CEMIP: variants seen among roughly 807,000 people sequenced by gnomAD.
The protein encoded by CEMIP is cell migration inducing hyaluronidase 1.
In CEMIP, 105 loss-of-function variants were observed where a neutral mutation model predicts 156.9. The observed-to-expected ratio is 0.67, with a 90% CI of 0.57 to 0.79. The LOEUF is 0.79. Among genes scored for constraint, CEMIP ranks in the 30% least tolerant of loss-of-function variants. The probability of loss-of-function intolerance (pLI) is 0.00; values close to 1 mark genes in which losing one functional copy is unlikely to be tolerated. For missense variants in CEMIP, 1,457 were observed against 1,769.4 expected, an observed-to-expected ratio of 0.82 and a Z score of 3.17; for synonymous variants, 676 against 668.4, an observed-to-expected ratio of 1.01 and a Z score of -0.17.
chr15:80,862,883 G>A (rs1898022010), intron 1 of CEMIP, among the ~76,000 whole-genome samples: 1 of 152,236 alleles, frequency 6.6e-6, no homozygotes. Context: ...GAATCTCAGA[G>A]GTGATGGGCG....
intron 1 of CEMIP, among the ~76,000 whole-genome samples, chr15:80,782,506 G>T (rs1366095907): frequency 6.6e-6 from 1 of 152,162 alleles, no homozygotes; most frequent in Non-Finnish European, 1.5e-5. Flanking sequence ...GCATTTCAGG[G>T]TTCTGTCTGG....
rs1202779676 is a variant in CEMIP, at chr15:80,941,990, C to T, written c.3549C>T (p.Pro1183=). The T allele has an allele frequency of 2.5e-6, 4 of 1,614,016 alleles. No homozygotes were observed. In the South Asian group the frequency reaches 3.3e-5, roughly 13 times the overall value. The change falls in exon 26 of 30, where the codon CCC becomes CCT. Residue 1183 remains proline, a synonymous_variant. Transcript: ENST00000394685. The part of the protein sequence containing the change: ...GVSDCTATAY[P]KFTERAVVDV... ...GTGACTGCACAGCCACAGCTTACCC[C>T]AAGTTCACCGAGAGGGCTGTCGTAG...
intron 1 of CEMIP, among the ~76,000 whole-genome samples, chr15:80,821,951 C>T (rs1463398724): frequency 6.6e-6 from 1 of 152,242 alleles, no homozygotes; most frequent in Admixed American, 6.5e-5. Flanking sequence ...TGCCATTGGG[C>T]ACCTGAAGAG....
intron 1 of CEMIP, among the ~76,000 whole-genome samples, chr15:80,836,614 T>TCCTCCTGGATTTTCTGCCTCCTTA (rs1271693306): frequency 9.2e-5 from 11 of 119,396 alleles, no homozygotes; most frequent in South Asian, 5.6e-4. Flanking sequence ...TTTTTCCTTT[T>TCCTCCTGGATTTTCTGCCTCCTTA]CCTCCTGGAT....
At chr15:80,937,381 G>T (rs1048120978) in intron 24 of CEMIP, among the ~76,000 whole-genome samples, 1 of 152,212 alleles carries the variant, frequency 6.6e-6, no homozygotes, top group African/African-American at 2.4e-5. Flanking sequence ...CAGTATTTCT[G>T]TGAGACAGAC....
intron 14 of CEMIP, among the ~76,000 whole-genome samples, chr15:80,913,236 A>G (rs369760181): frequency 1.9e-4 from 29 of 151,636 alleles, no homozygotes; most frequent in African/African-American, 3.1e-4. Context: ...TTCACCACCA[A>G]CTCTTGGGAA....
intron 14 of CEMIP, among the ~76,000 whole-genome samples, chr15:80,911,015 C>A (rs146185966): frequency 6.6e-6 from 1 of 152,194 alleles, no homozygotes; most frequent in Non-Finnish European, 1.5e-5. Context: ...TCCTGGGTTG[C>A]GATTGGAGTT....
intron 1 of CEMIP, among the ~76,000 whole-genome samples, chr15:80,815,929 C>T (rs917749886): frequency 3.9e-5 from 6 of 152,016 alleles, no homozygotes; most frequent in South Asian, 2.1e-4. Context: ...TTTCCTTGGC[C>T]GAGGAAAGGC....
At chr15:80,888,322 A>C (rs558666297) in intron 8 of CEMIP, among the ~76,000 whole-genome samples, 46 of 152,234 alleles carry the variant, frequency 3.0e-4, no homozygotes, top group African/African-American at 1.1e-3. Context: ...GTCTCAAAAA[A>C]ATTTAAAAAA....
At chr15:80,872,488 G>A (rs1898329721) in intron 1 of CEMIP, among the ~76,000 whole-genome samples, 1 of 147,024 alleles carries the variant, frequency 6.8e-6, no homozygotes, top group Admixed American at 6.6e-5. Flanking sequence ...ATGAGTAAAA[G>A]GAAACAAAAA....
intron 1 of CEMIP, among the ~76,000 whole-genome samples, chr15:80,829,959 G>A (rs1360332327): frequency 8.0e-6 from 1 of 125,342 alleles, no homozygotes; most frequent in African/African-American, 3.6e-5. Context: ...TAGAAGGGAG[G>A]TAGCGGGTGT....
At chr15:80,809,484 T>C (rs559097171) in intron 1 of CEMIP, among the ~76,000 whole-genome samples, 1 of 152,368 alleles carries the variant, frequency 6.6e-6, no homozygotes, top group South Asian at 2.1e-4. Context: ...TTTCCTTTTA[T>C]GGAATTGTTC....
chr15:80,916,795 T>A (rs1900288431), intron 14 of CEMIP, among the ~76,000 whole-genome samples: 1 of 149,822 alleles, frequency 6.7e-6, no homozygotes, highest in East Asian at 2.0e-4. Context: ...AACTTGTGTC[T>A]TCTACCCCCA....
chr15:80,821,337 T>C (rs1454017215), intron 1 of CEMIP, among the ~76,000 whole-genome samples: 1 of 152,202 alleles, frequency 6.6e-6, no homozygotes, highest in Non-Finnish European at 1.5e-5. Flanking sequence ...AGAGGTCAAG[T>C]TATAAAAGTT....
rs1596192723 is a variant in CEMIP at position 80,921,121 on chromosome 15, C to A, written c.2073+20C>A. 1.2e-6 allele frequency: 2 copies of A among 1,610,590 alleles called. No individual in the cohort carries two copies. The highest frequency in any genetic ancestry group is 4.5e-5 in the East Asian group (2 of 44,860). ...TCTGAGGTGAGCAGAAATATTCCTTCTTTGGCAGAAAGTGAGGGTGGGGGC... is the reference window on the plus strand; with the variant it reads ...TCTGAGGTGAGCAGAAATATTCCTTATTTGGCAGAAAGTGAGGGTGGGGGC... On this transcript the variant is annotated intron_variant, in intron 16 of 29. Coordinates refer to ENST00000394685, the MANE Select transcript of CEMIP (RefSeq NM_001293298.2).
intron 12 of CEMIP, chr15:80,902,960 T>C (rs1899634546): frequency 6.6e-6 from 1 of 152,190 alleles, no homozygotes; most frequent in Non-Finnish European, 1.5e-5. Flanking sequence ...GCTATTATTA[T>C]CTCCATTTTA....
At chr15:80,884,706 G>C (rs994918249) in intron 7 of CEMIP, among the ~76,000 whole-genome samples, 1 of 152,212 alleles carries the variant, frequency 6.6e-6, no homozygotes, top group African/African-American at 2.4e-5. Flanking sequence ...CTTTGGTAAA[G>C]AGGTCATGTC....
intron 10 of CEMIP, among the ~76,000 whole-genome samples, chr15:80,890,424 C>CAAA (rs35179100): frequency 2.5e-5 from 3 of 121,710 alleles, no homozygotes; most frequent in East Asian, 4.5e-4. Context: ...ACTAAAAATA[C>CAAA]AAAAAAAAAA....
At chr15:80,939,744 GTC>G (rs1012497271) in intron 25 of CEMIP, among the ~76,000 whole-genome samples, 3 of 152,166 alleles carry the variant, frequency 2.0e-5, no homozygotes, top group Non-Finnish European at 2.9e-5. Flanking sequence ...GTTATAGGGG[GTC>G]TGTTTCCTAT....
Sources: allele counts gnomAD v4.1 joint callset (sites outside exome capture counted in the v4.1 genomes callset), GRCh38; gene constraint gnomAD v4.1.1; transcripts MANE v1.5; gene names NCBI Gene and HGNC (gene_info 2026-07-23, HGNC 2026-07-21).